OXTR: variants seen among roughly 807,000 people sequenced by gnomAD.
The protein encoded by OXTR is oxytocin receptor.
OXTR carries 19 observed loss-of-function variants against 23.9 expected under a neutral mutation model. The observed-to-expected ratio is 0.80, with a 90% confidence interval of 0.56 to 1.17. The LOEUF (loss-of-function observed/expected upper bound fraction) is 1.17. Among genes scored for constraint, OXTR ranks in the 50% most tolerant of loss-of-function variants. The pLI, the probability that OXTR is intolerant of heterozygous loss-of-function variation, is 0.00. For missense variants in OXTR, 500 were observed against 550.7 expected, an observed-to-expected ratio of 0.91 and a Z score of 0.92; for synonymous variants, 278 against 250.5, an observed-to-expected ratio of 1.11 and a Z score of -1.04.
At chr3:8,754,026 T>G (rs1470740060) in intron 3 of OXTR, among the ~76,000 whole-genome samples, 1 of 152,152 alleles carries the variant, frequency 6.6e-6, no homozygotes, top group East Asian at 1.9e-4. Context: ...AGCGAGAAAC[T>G]GTATGACATC....
chr3:8,765,596 G>A (rs1449657408), intron 3 of OXTR, among the ~76,000 whole-genome samples: 4 of 152,152 alleles, frequency 2.6e-5, no homozygotes, highest in African/African-American at 7.2e-5. Context: ...GTTGGTGTTC[G>A]AGCTCCTCAA....
intron 3 of OXTR, among the ~76,000 whole-genome samples, chr3:8,763,105 C>A (rs372912693): frequency 1.3e-5 from 2 of 152,168 alleles, no homozygotes; most frequent in African/African-American, 4.8e-5. Context: ...GGACAAGCAG[C>A]GTCCCTGCTG....
intron 3 of OXTR, among the ~76,000 whole-genome samples, chr3:8,762,725 A>T (rs1174715853): frequency 6.6e-6 from 1 of 152,202 alleles, no homozygotes; most frequent in East Asian, 1.9e-4. Flanking sequence ...TGGGAAGCTC[A>T]TTCTACAGAT....
chr3:8,759,067 A>G (rs987946867), intron 3 of OXTR, among the ~76,000 whole-genome samples: 1 of 152,238 alleles, frequency 6.6e-6, no homozygotes, highest in Non-Finnish European at 1.5e-5. Context: ...CTGAGTCAGA[A>G]TCTGCATTTT....
At chr3:8,742,002 C>T in the OXTR span, among the ~76,000 whole-genome samples, 4 of 152,218 alleles carry the variant, frequency 2.6e-5, no homozygotes, top group African/African-American at 4.8e-5. Flanking sequence ...TGTCCTGAGC[C>T]TCAGCACGCA....
the OXTR span, chr3:8,742,477 A>G: frequency 2.2e-6 from 1 of 456,568 alleles, no homozygotes; most frequent in East Asian, 7.0e-5. Flanking sequence ...GGAAAGGAGG[A>G]CTCCATCCGT....
intron 3 of OXTR, among the ~76,000 whole-genome samples, chr3:8,755,696 C>T (rs768012134): frequency 9.9e-5 from 15 of 152,180 alleles, no homozygotes; most frequent in Admixed American, 3.3e-4. Flanking sequence ...CTAAGCTGAA[C>T]CTGCTCATGT....
chr3:8,753,294 C>G, intron 3 of OXTR, 70 bp from the exon 4 acceptor site: 1 of 1,528,384 alleles, frequency 6.5e-7, no homozygotes, highest in Non-Finnish European at 8.9e-7. Flanking sequence ...CCAGACCTAT[C>G]TGACTTAAAC....
At chr3:8,742,021 C>A in the OXTR span, among the ~76,000 whole-genome samples, 1 of 152,228 alleles carries the variant, frequency 6.6e-6, no homozygotes, top group Admixed American at 6.5e-5. Context: ...CAGATGCAGG[C>A]TTTCAGCCCA....
At chr3:8,763,758 C>A (rs1479775499) in intron 3 of OXTR, among the ~76,000 whole-genome samples, 1 of 152,206 alleles carries the variant, frequency 6.6e-6, no homozygotes, top group Non-Finnish European at 1.5e-5. Flanking sequence ...TACCCAGATG[C>A]TCCCATTGGC....
At chr3:8,755,053 G>A (rs1255779651) in intron 3 of OXTR, among the ~76,000 whole-genome samples, 2 of 152,150 alleles carry the variant, frequency 1.3e-5, no homozygotes, top group African/African-American at 4.8e-5. Flanking sequence ...CTTTGATTTG[G>A]ATGGATAAGA....
rs202041816 is a variant in OXTR at position 8,751,005 on chromosome 3, A to G, written c.*1972T>C. ...CCATTTACATTCCCACCAACAATTT[A>G]AATTTCTACCAGTTTCTCTACATCC... On this transcript the variant is annotated 3_prime_UTR_variant, in exon 4 of 4. Coordinates refer to ENST00000316793, the MANE Select transcript of OXTR (RefSeq NM_000916.4). 26 of 152,324 alleles carry G rather than the reference A, an allele frequency of 1.7e-4. No individual in the cohort carries two copies. Among genetic ancestry groups the G allele is most frequent in the African/African-American group, 5.8e-4 (24 of 41,576 alleles). 9.4% of individuals were successfully genotyped at this position (152,324 alleles called of 1,614,324 possible).
downstream of OXTR, among the ~76,000 whole-genome samples, chr3:8,748,673 T>G (rs1708205605): frequency 6.6e-6 from 1 of 152,162 alleles, no homozygotes; most frequent in African/African-American, 2.4e-5. Context: ...ACTGGCACAG[T>G]TACAGAGGGG....
chr3:8,743,205 A>C, the OXTR span, among the ~76,000 whole-genome samples: 961 of 152,312 alleles, frequency 6.3e-3, 10 homozygotes, highest in African/African-American at 0.022. Context: ...ATCACATTTC[A>C]ACATGAGATT....
rs1031339175 is a variant in OXTR at position 8,767,430 on chromosome 3, C to T, written c.758G>A (p.Gly253Glu). 5 of 1,606,010 alleles carry T rather than the reference C, an allele frequency of 3.1e-6. No homozygotes were observed. Among genetic ancestry groups the T allele is most frequent in the Non-Finnish European group, 4.2e-6 (5 of 1,176,696 alleles). ...APEGAAAGDG[G>E]RVALARVSSV... ...GCTGACACGCGCCAGGGCCACGCGC[C>T]CCCCATCGCCAGCCGCCGCGCCCTC... Residue 253 changes from glycine to glutamate, a missense_variant, in exon 3 of 4, where the codon GGG becomes GAG. By Grantham distance (98) the Gly-to-Glu change is moderately conservative (BLOSUM62 -2). Coordinates refer to ENST00000316793, the MANE Select transcript of OXTR (RefSeq NM_000916.4).
rs181031908 is a variant in OXTR at position 8,751,543 on chromosome 3, T to G, written c.*1434A>C. On this transcript the variant is annotated 3_prime_UTR_variant, in exon 4 of 4. Coordinates refer to ENST00000316793, the MANE Select transcript of OXTR (RefSeq NM_000916.4). ...TTATATTTAGATCTTGGATGCGTTT[T>G]GAGTTGATTTTTGCACATAGTGTGA... 6 of 152,316 alleles carry G rather than the reference T, an allele frequency of 3.9e-5. No individual in the cohort carries two copies. The highest frequency in any genetic ancestry group is 3.3e-4 in the Admixed American group (5 of 15,302). The allele number at this position is 152,316 out of a possible 1,614,324, so 9.4% of individuals were successfully genotyped here.
chr3:8,742,231 C>A, the OXTR span, among the ~76,000 whole-genome samples: 3,101 of 152,106 alleles, frequency 0.02, 69 homozygotes, highest in Non-Finnish European at 0.03. Flanking sequence ...CTCCTCCAAG[C>A]CCAGCCCAGC....
chr3:8,747,593 A>G (rs757974129), downstream of OXTR, among the ~76,000 whole-genome samples: 1 of 152,228 alleles, frequency 6.6e-6, no homozygotes, highest in South Asian at 2.1e-4. Context: ...CAGAGAAGTC[A>G]GGAACCTTGC....
At chr3:8,766,574 G>A (rs1489750021) in intron 3 of OXTR, among the ~76,000 whole-genome samples, 2 of 151,608 alleles carry the variant, frequency 1.3e-5, no homozygotes, top group African/African-American at 2.4e-5. Flanking sequence ...AGTCCTGGGC[G>A]CTCTCCTCCC....
Sources: allele counts gnomAD v4.1 joint callset (sites outside exome capture counted in the v4.1 genomes callset), GRCh38; gene constraint gnomAD v4.1.1; transcripts MANE v1.5; gene names NCBI Gene and HGNC (gene_info 2026-07-23, HGNC 2026-07-21).